SUGCT: variants seen among roughly 807,000 people sequenced by gnomAD.
The protein encoded by SUGCT is succinyl-CoA:glutarate CoA-transferase.
Under a neutral mutation model 55.0 loss-of-function variants are expected in SUGCT, and 41 were observed. The observed-to-expected ratio is 0.74, with a 90% CI of 0.58 to 0.97. The LOEUF (loss-of-function observed/expected upper bound fraction) is 0.97. Among genes scored for constraint, SUGCT ranks in the 50% least tolerant of loss-of-function variants. The pLI, the probability that SUGCT is intolerant of heterozygous loss-of-function variation, is 0.00. For missense variants in SUGCT, 568 were observed against 547.8 expected (o/e 1.04, Z -0.37); for synonymous variants, 187 against 200.4 (o/e 0.93, Z 0.56).
In SUGCT at chr7:40,350,115, A is replaced by T. The variant is rs148025319; in HGVS notation, c.816+33260A>T. On this transcript the variant is annotated intron_variant, in intron 9 of 13. Transcript: ENST00000335693. Reference sequence around the variant, plus strand: ...AAATCTGTAGCATTTCTGCTATAATATCCTTTATTCTAATATTGTTCTTTT... The same window carrying T: ...AAATCTGTAGCATTTCTGCTATAATTTCCTTTATTCTAATATTGTTCTTTT... Among the ~76,000 whole-genome samples, 104 of 152,136 alleles carry T rather than the reference A, an allele frequency of 6.8e-4. No individual in the cohort carries two copies. In the East Asian group the frequency reaches 0.017, roughly 25 times the overall value.
At chr7:40,663,147 C>T (rs547540867) in intron 12 of SUGCT, among the ~76,000 whole-genome samples, 21 of 152,276 alleles carry the variant, frequency 1.4e-4, no homozygotes, top group Middle Eastern at 6.8e-3. Context: ...TATCTTCATA[C>T]TGCAATGAAG....
At chr7:40,595,510 C>T (rs1012549725) in intron 12 of SUGCT, among the ~76,000 whole-genome samples, 2 of 152,094 alleles carry the variant, frequency 1.3e-5, no homozygotes, top group African/African-American at 4.8e-5. Flanking sequence ...AGGCAGAGGA[C>T]AAGTCCTCAC....
chr7:41,004,004 C>T, the SUGCT span, among the ~76,000 whole-genome samples: 1 of 152,118 alleles, frequency 6.6e-6, no homozygotes, highest in Non-Finnish European at 1.5e-5. Flanking sequence ...ATTATCATGG[C>T]CTTGGGGTAC....
intron 12 of SUGCT, among the ~76,000 whole-genome samples, chr7:40,633,786 G>A (rs554375023): frequency 2.6e-5 from 4 of 152,060 alleles, no homozygotes; most frequent in Non-Finnish European, 5.9e-5. Flanking sequence ...GTATCTTCTG[G>A]TTTTGCATAA....
chr7:40,424,665 A>G (rs967988445), intron 9 of SUGCT, among the ~76,000 whole-genome samples: 1 of 152,172 alleles, frequency 6.6e-6, no homozygotes, highest in Non-Finnish European at 1.5e-5. Flanking sequence ...TAATAAATTT[A>G]ACTACTATTA....
intron 11 of SUGCT, among the ~76,000 whole-genome samples, chr7:40,489,564 C>T (rs1791568834): frequency 6.6e-6 from 1 of 151,962 alleles, no homozygotes; most frequent in Admixed American, 6.6e-5. Flanking sequence ...GCCTGTAGTC[C>T]CAGCTGCTCA....
chr7:40,184,319 A>T (rs1584278912), intron 3 of SUGCT, among the ~76,000 whole-genome samples: 3 of 152,004 alleles, frequency 2.0e-5, no homozygotes. Flanking sequence ...TCACTCTGTC[A>T]TCCAGGCTGG....
intron 12 of SUGCT, among the ~76,000 whole-genome samples, chr7:40,634,600 A>G (rs986752994): frequency 1.3e-5 from 2 of 152,188 alleles, no homozygotes; most frequent in African/African-American, 4.8e-5. Flanking sequence ...AAAGAGATAA[A>G]AACAATGAAG....
chr7:40,221,273 G>T (rs1231183754), intron 6 of SUGCT, among the ~76,000 whole-genome samples: 2 of 151,350 alleles, frequency 1.3e-5, no homozygotes, highest in Non-Finnish European at 2.9e-5. Context: ...AATTAGCCGG[G>T]CATGGTGGTG....
At chr7:40,997,370 C>T in the SUGCT span, among the ~76,000 whole-genome samples, 1 of 152,184 alleles carries the variant, frequency 6.6e-6, no homozygotes, top group African/African-American at 2.4e-5. Context: ...TTCTCTACAG[C>T]AGCCCCGCTG....
At chr7:40,931,392 T>A in the SUGCT span, among the ~76,000 whole-genome samples, 16 of 152,172 alleles carry the variant, frequency 1.1e-4, no homozygotes, top group African/African-American at 3.4e-4. Context: ...TCTTTTTTTG[T>A]TGTATCTCTG....
rs1785767346 is a variant in SUGCT, at chr7:40,189,532, T to G, written c.313-12T>G. 9.3e-7 allele frequency: 1 copy of G among 1,071,504 alleles called. No individual in the cohort carries two copies. The allele number at this position is 1,071,504 out of a possible 1,614,324, so 66.4% of individuals were successfully genotyped here. ...CGAAATAATATATATATATATATTTTTTAATTTTTAGAGTATTGCTGTTAA... is the reference window on the plus strand; with the variant it reads ...CGAAATAATATATATATATATATTTGTTAATTTTTAGAGTATTGCTGTTAA... On this transcript the variant is annotated splice_polypyrimidine_tract_variant and intron_variant, in intron 4 of 13. Transcript: ENST00000335693.
chr7:40,473,705 T>G (rs567190353), intron 11 of SUGCT, among the ~76,000 whole-genome samples: 1 of 152,298 alleles, frequency 6.6e-6, no homozygotes, highest in South Asian at 2.1e-4. Flanking sequence ...CCAGCTCAGT[T>G]TGAGTTACAT....
intron 8 of SUGCT, among the ~76,000 whole-genome samples, chr7:40,312,197 G>A (rs1309926710): frequency 6.6e-6 from 1 of 151,930 alleles, no homozygotes; most frequent in African/African-American, 2.4e-5. Flanking sequence ...GCTCCACCAC[G>A]CCTGGCTAAT....
the SUGCT span, among the ~76,000 whole-genome samples, chr7:40,866,070 C>T: frequency 6.6e-6 from 1 of 152,136 alleles, no homozygotes; most frequent in Non-Finnish European, 1.5e-5. Flanking sequence ...TCACTCACAC[C>T]CCTTCCTCTC....
At chr7:40,793,305 A>T (rs1435871124) in intron 13 of SUGCT, 1 of 152,120 alleles carries the variant, frequency 6.6e-6, no homozygotes, top group Non-Finnish European at 1.5e-5. Context: ...TTCAGAAATG[A>T]TGAGTGATTA....
chr7:40,821,278 A>T (rs1337205461), intron 13 of SUGCT, among the ~76,000 whole-genome samples: 1 of 152,182 alleles, frequency 6.6e-6, no homozygotes, highest in Non-Finnish European at 1.5e-5. Context: ...TGCTGGCCTC[A>T]TAAAATGAGT....
chr7:40,381,462 T>G (rs1280265207), intron 9 of SUGCT, among the ~76,000 whole-genome samples: 2 of 23,718 alleles, frequency 8.4e-5, no homozygotes, highest in Non-Finnish European at 2.8e-4. Context: ...TCTTTAAAAC[T>G]CCAATCTTAA....
the SUGCT span, among the ~76,000 whole-genome samples, chr7:40,901,755 T>C: frequency 2.6e-5 from 4 of 152,158 alleles, no homozygotes; most frequent in Admixed American, 1.3e-4. Flanking sequence ...TGGTTTCTCA[T>C]GGGGGATAAA....
Sources: gnomAD v4.1 joint callset for allele counts (sites outside exome capture counted in the v4.1 genomes callset) on GRCh38, gnomAD v4.1.1 for gene constraint, MANE v1.5 for transcripts, NCBI Gene and HGNC (gene_info 2026-07-23, HGNC 2026-07-21) for gene names.